The following KCNQ5 variants were observed in gnomAD, a reference collection of about 807,000 sequenced individuals.
The protein encoded by KCNQ5 is potassium voltage-gated channel subfamily KQT member 5.
Under a neutral mutation model 98.2 loss-of-function variants are expected in KCNQ5, and 30 were observed. That is an observed-to-expected ratio of 0.31 (90% CI 0.23 to 0.41). The LOEUF (loss-of-function observed/expected upper bound fraction) is 0.41, where lower values mean the gene tolerates loss of function less well. Ranked by LOEUF, KCNQ5 falls within the 10% of genes least tolerant of loss-of-function variation. KCNQ5 has a pLI of 1.00. For synonymous variants in KCNQ5, 458 were observed against 449.4 expected (o/e 1.02, Z -0.24); for missense variants, 835 against 1,182.5 (o/e 0.71, Z 4.31).
At chr6:73,164,674 A>C (rs1488964613) in intron 10 of KCNQ5, among the ~76,000 whole-genome samples, 2 of 152,228 alleles carry the variant, frequency 1.3e-5, no homozygotes, top group African/African-American at 4.8e-5. Flanking sequence ...TGTGACAGTA[A>C]ACATCTGCTG....
At chr6:73,103,941 G>A (rs866911125) in intron 5 of KCNQ5, among the ~76,000 whole-genome samples, 6 of 151,822 alleles carry the variant, frequency 4.0e-5, no homozygotes, top group Admixed American at 6.6e-5. Flanking sequence ...ATTACATATC[G>A]CATGCCAGTA....
At chr6:73,136,085 C>G (rs1209190569) in intron 10 of KCNQ5, 1 of 152,224 alleles carries the variant, frequency 6.6e-6, no homozygotes, top group African/African-American at 2.4e-5. Context: ...AGACAAAGCT[C>G]ATGCTCACCC....
intron 3 of KCNQ5, chr6:73,042,302 G>A: frequency 3.9e-6 from 2 of 511,470 alleles, no homozygotes; most frequent in Non-Finnish European, 7.1e-6. Flanking sequence ...GAGAGACGGA[G>A]TTAGTTGCTG....
At chr6:72,799,484 C>T (rs1416462639) in intron 1 of KCNQ5, among the ~76,000 whole-genome samples, 1 of 152,068 alleles carries the variant, frequency 6.6e-6, no homozygotes. Flanking sequence ...CTTAAGATTT[C>T]CCCCACTTCT....
intron 1 of KCNQ5, among the ~76,000 whole-genome samples, chr6:72,779,700 A>T (rs1380508224): frequency 1.3e-5 from 2 of 152,102 alleles, no homozygotes; most frequent in African/African-American, 2.4e-5. Flanking sequence ...GCTGGAGTGC[A>T]GTGGCACAAG....
chr6:73,096,634 GA>G (rs1163761580), intron 5 of KCNQ5, among the ~76,000 whole-genome samples: 1 of 152,124 alleles, frequency 6.6e-6, no homozygotes, highest in East Asian at 1.9e-4. Context: ...TGTAAATTGA[GA>G]AATTATAGTT....
rs150986628 is a variant in KCNQ5, at chr6:73,139,586, A to G, written c.1468+5945A>G. ...GGGCTTTTAAAAACATAAAAGCCAG[A>G]TTTATAATTTTTTTCACTTTTCTCT... is the stretch of plus-strand genomic sequence containing the variant. On this transcript the variant is annotated intron_variant, in intron 10 of 13. Transcript: ENST00000370398. Among the ~76,000 whole-genome samples, 671 of 152,302 alleles carry G rather than the reference A, an allele frequency of 4.4e-3. 7 individuals carry two copies. Among genetic ancestry groups the G allele is most frequent in the Non-Finnish European group, 4.5e-3 (307 of 68,022 alleles).
intron 1 of KCNQ5, chr6:72,677,027 T>C (rs1767449521): frequency 6.6e-6 from 1 of 152,198 alleles, no homozygotes; most frequent in Non-Finnish European, 1.5e-5. Flanking sequence ...TGAAGACTTA[T>C]CTTCTTAGGC....
intron 3 of KCNQ5, among the ~76,000 whole-genome samples, chr6:73,063,451 A>G (rs999373266): frequency 6.6e-6 from 1 of 152,174 alleles, no homozygotes; most frequent in African/African-American, 2.4e-5. Context: ...TTAAGCACAG[A>G]TAAGAGCAGC....
At chr6:72,943,655 G>A (rs1010377591) in intron 1 of KCNQ5, among the ~76,000 whole-genome samples, 8 of 152,196 alleles carry the variant, frequency 5.3e-5, no homozygotes, top group African/African-American at 1.9e-4. Flanking sequence ...TGGCACAGAG[G>A]TTAAGAGCAA....
intron 3 of KCNQ5, chr6:73,055,882 T>C: frequency 1.7e-6 from 1 of 604,496 alleles, no homozygotes; most frequent in Admixed American, 2.0e-5. Context: ...GCACCCTCCC[T>C]GCCCATTGCA....
At chr6:72,676,689 A>AT (rs1767424901) in intron 1 of KCNQ5, among the ~76,000 whole-genome samples, 1 of 132,980 alleles carries the variant, frequency 7.5e-6, no homozygotes, top group South Asian at 2.6e-4. Context: ...CCTTGTTTAT[A>AT]TCTATTTTTG....
At chr6:73,115,098 T>C (rs1775435650) in intron 7 of KCNQ5, among the ~76,000 whole-genome samples, 1 of 151,838 alleles carries the variant, frequency 6.6e-6, no homozygotes, top group African/African-American at 2.4e-5. Context: ...GAGTTCAAGA[T>C]CAGTCTGGGC....
Position 73,078,428 on chromosome 6 carries a change from CAAAT to C in KCNQ5, c.918+549_918+552del, listed in dbSNP as rs1185936405. On this transcript the variant is annotated intron_variant, in intron 5 of 13. Coordinates refer to ENST00000370398, the MANE Select transcript of KCNQ5 (RefSeq NM_019842.4). ...TTTATATTATTAAAGAATAATTTTC[CAAAT>C]AAATAAAGTAAAATCATGATTCTTA... 8.5e-5 allele frequency among the ~76,000 whole-genome samples: 13 copies of C among 152,130 alleles called. No homozygotes were observed. The East Asian group carries it at 2.1e-3, about 25-fold the overall frequency.
At chr6:72,707,807 G>T (rs1255755082) in intron 1 of KCNQ5, among the ~76,000 whole-genome samples, 1 of 152,114 alleles carries the variant, frequency 6.6e-6, no homozygotes, top group Non-Finnish European at 1.5e-5. Flanking sequence ...TCTAAATCTT[G>T]GGTTTAAGAG....
chr6:72,890,451 T>C (rs1779015036), intron 1 of KCNQ5, among the ~76,000 whole-genome samples: 2 of 150,716 alleles, frequency 1.3e-5, no homozygotes, highest in African/African-American at 4.8e-5. Flanking sequence ...GGCAACTCTA[T>C]ACATGAAAGA....
At chr6:72,917,618 A>G (rs1582013162) in intron 1 of KCNQ5, among the ~76,000 whole-genome samples, 1 of 152,020 alleles carries the variant, frequency 6.6e-6, no homozygotes, top group African/African-American at 2.4e-5. Context: ...GACTACAGGC[A>G]CATGCCACCA....
intron 1 of KCNQ5, among the ~76,000 whole-genome samples, chr6:72,727,345 A>G (rs1246813577): frequency 2.6e-5 from 4 of 152,244 alleles, no homozygotes; most frequent in Non-Finnish European, 5.9e-5. Context: ...TCTCTGAAGT[A>G]TGATTCCCAG....
At chr6:72,840,721 T>C (rs1582392759) in intron 1 of KCNQ5, among the ~76,000 whole-genome samples, 2 of 152,360 alleles carry the variant, frequency 1.3e-5, no homozygotes, top group South Asian at 4.1e-4. Flanking sequence ...ACTGATTTTA[T>C]AGAGAAAAAC....
Sources: gnomAD v4.1 joint callset for allele counts (sites outside exome capture counted in the v4.1 genomes callset) on GRCh38, gnomAD v4.1.1 for gene constraint, MANE v1.5 for transcripts, NCBI Gene and HGNC (gene_info 2026-07-23, HGNC 2026-07-21) for gene names.